Variants in DYRK1A observed in about 807,000 individuals in gnomAD.
DYRK1A encodes the protein dual specificity tyrosine-phosphorylation-regulated kinase 1A.
A neutral mutation model predicts 79.7 loss-of-function variants in DYRK1A; 9 were observed. That is an observed-to-expected ratio of 0.11 (90% confidence interval 0.07 to 0.20). The LOEUF (loss-of-function observed/expected upper bound fraction) is 0.20. Among genes scored for constraint, DYRK1A ranks in the 10% least tolerant of loss-of-function variants. DYRK1A has a pLI of 1.00. For missense variants in DYRK1A, 622 were observed against 956.0 expected (o/e 0.65, Z 4.61); for synonymous variants, 349 against 329.7 (o/e 1.06, Z -0.63).
intron 7 of DYRK1A, among the ~76,000 whole-genome samples, chr21:37,490,933 C>T (rs1320625949): frequency 6.6e-6 from 1 of 152,060 alleles, no homozygotes; most frequent in Non-Finnish European, 1.5e-5. Context: ...AGTACTAGAA[C>T]ATTGAATCTT....
chr21:37,479,434 A>G (rs991396920), intron 4 of DYRK1A, among the ~76,000 whole-genome samples: 7 of 151,982 alleles, frequency 4.6e-5, no homozygotes, highest in Non-Finnish European at 2.9e-5. Flanking sequence ...GCTTGTTTTT[A>G]AGTGTCTTAA....
At chr21:37,461,893 T>A (rs1432761248) in intron 2 of DYRK1A, among the ~76,000 whole-genome samples, 2 of 151,528 alleles carry the variant, frequency 1.3e-5, no homozygotes, top group Non-Finnish European at 2.9e-5. Context: ...GTTTTCAGTT[T>A]GGTTAATTTA....
rs552305755 is a variant in DYRK1A, at chr21:37,466,558, A to G, written c.11-6126A>G. ...AAGGAAACAGAAGAAGGTAAAGGTA[A>G]AAAGATGGACAAAAGACATACCATA... On this transcript the variant is annotated intron_variant, in intron 2 of 11. Transcript: ENST00000647188. Among the ~76,000 whole-genome samples the G allele has an allele frequency of 4.3e-4, 65 of 152,306 alleles. 1 individual carries two copies. The South Asian group carries it at 0.013, about 30-fold the overall frequency.
intron 2 of DYRK1A, among the ~76,000 whole-genome samples, chr21:37,424,785 A>G (rs2084602886): frequency 6.6e-6 from 1 of 152,198 alleles, no homozygotes; most frequent in Non-Finnish European, 1.5e-5. Flanking sequence ...TTATTTTCTT[A>G]TAATTGATTC....
chr21:37,441,518 T>G (rs1254274784), intron 2 of DYRK1A, among the ~76,000 whole-genome samples: 1 of 152,152 alleles, frequency 6.6e-6, no homozygotes, highest in Non-Finnish European at 1.5e-5. Flanking sequence ...AATTTTTAAA[T>G]GATTTGATTT....
At position 37,422,992 on chromosome 21, in the gene DYRK1A, A is replaced by G. The variant is rs144820266; in HGVS notation, c.10+2608A>G. ...TTTCTTTTGATTTTTGGAAGAACAA[A>G]TGATTTGTTAACAAACATTTATTTG... On this transcript the variant is annotated intron_variant, in intron 2 of 11. Transcript: ENST00000647188. Among the ~76,000 whole-genome samples, 1,072 of 152,286 alleles carry G rather than the reference A, an allele frequency of 7.0e-3. 12 individuals are homozygous for G. Among genetic ancestry groups the G allele is most frequent in the African/African-American group, 0.025 (1,029 of 41,566 alleles).
chr21:37,446,058 T>C (rs910115953), intron 2 of DYRK1A, among the ~76,000 whole-genome samples: 5 of 152,168 alleles, frequency 3.3e-5, no homozygotes, highest in African/African-American at 1.2e-4. Context: ...AAATCAGTGT[T>C]GCTACCAGAG....
chr21:37,482,210 CAG>C (rs1263168099), intron 5 of DYRK1A, among the ~76,000 whole-genome samples: 6 of 144,244 alleles, frequency 4.2e-5, no homozygotes, highest in Non-Finnish European at 7.8e-5. Flanking sequence ...ATGCTTAAAA[CAG>C]AAAGTGTTCT....
Position 37,472,770 on chromosome 21 carries a change from C to G in DYRK1A, c.97C>G (p.Gln33Glu). ...FHAAGLQMAG[Q>E]MPHSHQYSDR... ...TGCTGCTGGCCTTCAGATGGCTGGA[C>G]AGATGCCCCATTCACATCAGTACAG... The change falls in exon 3 of 12, where the codon CAG becomes GAG. Residue 33 changes from glutamine (Q) to glutamate (E), a missense_variant. By Grantham distance (29) the Gln-to-Glu change is conservative (BLOSUM62 2). Transcript: ENST00000647188. 1 of 1,613,272 alleles carries G rather than the reference C, an allele frequency of 6.2e-7. No individual in the cohort carries two copies. The highest frequency in any genetic ancestry group is 2.2e-5 in the East Asian group (1 of 44,872).
chr21:37,412,390 G>T (rs1373273760), intron 1 of DYRK1A, among the ~76,000 whole-genome samples: 2 of 152,180 alleles, frequency 1.3e-5, no homozygotes, highest in Non-Finnish European at 2.9e-5. Context: ...AGCTTTTTAA[G>T]CACAGTAGTT....
At chr21:37,406,777 A>G (rs888092673) in intron 1 of DYRK1A, among the ~76,000 whole-genome samples, 1 of 148,162 alleles carries the variant, frequency 6.7e-6, no homozygotes, top group African/African-American at 2.5e-5. Context: ...ATATATCTCT[A>G]TATACATCTC....
At chr21:37,451,598 C>T (rs2051453473) in intron 2 of DYRK1A, among the ~76,000 whole-genome samples, 2 of 151,790 alleles carry the variant, frequency 1.3e-5, no homozygotes, top group South Asian at 4.2e-4. Flanking sequence ...GCTCCACCGT[C>T]TAGCGTGGGC....
chr21:37,451,538 T>G (rs2148502850), intron 2 of DYRK1A, among the ~76,000 whole-genome samples: 1 of 152,136 alleles, frequency 6.6e-6, no homozygotes, highest in South Asian at 2.1e-4. Flanking sequence ...CTGAACAGGT[T>G]TGCAGCCTAA....
chr21:37,506,160 G>A lies in DYRK1A; in HGVS notation c.1581G>A (p.Arg527=). 6.2e-7 allele frequency: 1 copy of A among 1,614,150 alleles called. No individual in the cohort carries two copies. The change falls in exon 11 of 12, where the codon CGG becomes CGA. Residue 527 remains arginine (R), a synonymous_variant. Transcript: ENST00000647188. ...RARSDPTHQH[R]HSGGHFTAAV... ...GGTCGGATCCGACGCACCAGCATCG[G>A]CACAGTGGTGGGCACTTCACAGCTG...
At chr21:37,458,015 A>C (rs1017016624) in intron 2 of DYRK1A, among the ~76,000 whole-genome samples, 4 of 152,198 alleles carry the variant, frequency 2.6e-5, no homozygotes, top group Admixed American at 2.0e-4. Flanking sequence ...TGTGGTAGGT[A>C]ACCTTCTGCC....
In DYRK1A at chr21:37,481,848, T is replaced by TA. The variant is rs34372747; in HGVS notation, c.489+1034dup. ...TAGCAAGACCTTGTCTCTATTCATT[T>TA]AAAAAAAAAAAATGTTAGGGGGATC... On this transcript the variant is annotated intron_variant, in intron 5 of 11. Transcript: ENST00000647188. Among the ~76,000 whole-genome samples the TA allele has an allele frequency of 5.4e-3, 804 of 147,706 alleles. 3 individuals carry two copies. Among genetic ancestry groups the TA allele is most frequent in the Middle Eastern group, 0.046 (13 of 284 alleles).
At chr21:37,484,906 T>C (rs1275493627) in intron 5 of DYRK1A, among the ~76,000 whole-genome samples, 1 of 152,188 alleles carries the variant, frequency 6.6e-6, no homozygotes, top group African/African-American at 2.4e-5. Flanking sequence ...AGTGTCCACG[T>C]TGAGGTTCAG....
chr21:37,409,843 C>G (rs9977979), intron 1 of DYRK1A, among the ~76,000 whole-genome samples: 6,510 of 152,214 alleles, frequency 0.043, 184 homozygotes, highest in Middle Eastern at 0.092. Context: ...ATAACTTCCC[C>G]CCTCATGCAG....
At chr21:37,442,715 A>T (rs1267781265) in intron 2 of DYRK1A, among the ~76,000 whole-genome samples, 2 of 152,240 alleles carry the variant, frequency 1.3e-5, no homozygotes, top group Non-Finnish European at 2.9e-5. Flanking sequence ...CTGGGATTAT[A>T]GGTGTGAGCC....
Sources: gnomAD v4.1 joint callset for allele counts (sites outside exome capture counted in the v4.1 genomes callset) on GRCh38, gnomAD v4.1.1 for gene constraint, MANE v1.5 for transcripts, NCBI Gene and HGNC (gene_info 2026-07-23, HGNC 2026-07-21) for gene names.